The following DIAPH2 variants were observed in gnomAD, a reference collection of about 807,000 sequenced individuals.
DIAPH2 encodes the protein diaphanous related formin 2.
A neutral mutation model predicts 92.7 loss-of-function variants in DIAPH2; 35 were observed. The ratio of observed to expected loss-of-function variants is 0.38; its 90% CI spans 0.29 to 0.50. The LOEUF (loss-of-function observed/expected upper bound fraction) is 0.50, where lower values mean the gene tolerates loss of function less well. DIAPH2 is among the 20% of genes least tolerant of loss of function. DIAPH2 has a pLI of 0.94. For synonymous variants in DIAPH2, 301 were observed against 280.4 expected, an observed-to-expected ratio of 1.07 and a Z score of -0.73; for missense variants, 701 against 819.5, an observed-to-expected ratio of 0.86 and a Z score of 1.77.
chrX:97,385,691 C>A (rs1372441558), intron 25 of DIAPH2, among the ~76,000 whole-genome samples: 1 of 111,858 alleles, frequency 8.9e-6, no homozygotes, highest in Non-Finnish European at 1.9e-5. Flanking sequence ...TCCAAGTCGT[C>A]TCACTATAGA....
chrX:96,808,375 T>C (rs988225174), intron 4 of DIAPH2, among the ~76,000 whole-genome samples: 4 of 111,929 alleles, frequency 3.6e-5, no homozygotes, highest in African/African-American at 1.3e-4. Flanking sequence ...ATTAAAGTTA[T>C]AGTGACAAAA....
At chrX:97,090,157 G>A (rs1471858972) in intron 19 of DIAPH2, among the ~76,000 whole-genome samples, 1 of 111,636 alleles carries the variant, frequency 9.0e-6, no homozygotes, top group Non-Finnish European at 1.9e-5. Flanking sequence ...TGCTTCAAGG[G>A]GAAAATATTT....
intron 19 of DIAPH2, among the ~76,000 whole-genome samples, chrX:97,095,442 T>G (rs2066861896): frequency 9.3e-6 from 1 of 108,053 alleles, no homozygotes; most frequent in African/African-American, 3.3e-5. Context: ...ATCTAGATTT[T>G]TAAAAATACA....
intron 26 of DIAPH2, among the ~76,000 whole-genome samples, chrX:97,510,935 A>T (rs2070885407): frequency 9.2e-6 from 1 of 108,164 alleles, no homozygotes; most frequent in African/African-American, 3.4e-5. Context: ...GTTTGAAGTC[A>T]GGTAGCGTGA....
chrX:97,159,323 A>G (rs2067347854), intron 22 of DIAPH2, among the ~76,000 whole-genome samples: 2 of 112,427 alleles, frequency 1.8e-5, no homozygotes, highest in African/African-American at 6.5e-5. Context: ...TTCTTATGTT[A>G]TGAAATATTT....
intron 1 of DIAPH2, among the ~76,000 whole-genome samples, chrX:96,719,515 T>C (rs1018384874): frequency 4.5e-5 from 5 of 112,224 alleles, no homozygotes; most frequent in Non-Finnish European, 7.5e-5. Flanking sequence ...GAGATCTAGT[T>C]TTCTCATTAC....
chrX:97,453,583 C>G (rs1485151304), intron 26 of DIAPH2, among the ~76,000 whole-genome samples: 2 of 111,218 alleles, frequency 1.8e-5, no homozygotes, highest in Non-Finnish European at 3.8e-5. Context: ...GACCTTACCC[C>G]AAAGGAATAT....
At chrX:97,151,332 G>A (rs1025726230) in intron 22 of DIAPH2, among the ~76,000 whole-genome samples, 1 of 111,429 alleles carries the variant, frequency 9.0e-6, no homozygotes, top group Non-Finnish European at 1.9e-5. Context: ...TAGTGAGGAT[G>A]GTACTACATT....
chrX:97,100,287 T>C (rs2066897744), intron 20 of DIAPH2, among the ~76,000 whole-genome samples: 1 of 111,783 alleles, frequency 8.9e-6, no homozygotes, highest in Non-Finnish European at 1.9e-5. Flanking sequence ...GATTTAAAGC[T>C]TAAAATGTGC....
At chrX:97,337,376 C>A (rs1287062857) in intron 23 of DIAPH2, among the ~76,000 whole-genome samples, 3 of 110,899 alleles carry the variant, frequency 2.7e-5, no homozygotes, top group African/African-American at 9.8e-5. Flanking sequence ...TGGGAGGGAC[C>A]CATTGGGAAG....
At chrX:97,078,920 G>A (rs1278096580) in intron 19 of DIAPH2, among the ~76,000 whole-genome samples, 1 of 110,440 alleles carries the variant, frequency 9.1e-6, no homozygotes, top group Non-Finnish European at 1.9e-5. Flanking sequence ...TTATTTTTCT[G>A]GTATAGATAA....
At chrX:96,857,090 T>C (rs969141540) in intron 4 of DIAPH2, among the ~76,000 whole-genome samples, 15 of 110,869 alleles carry the variant, frequency 1.4e-4, no homozygotes, top group Non-Finnish European at 2.6e-4. Context: ...ATATTACTAA[T>C]GTTATGAAAG....
At chrX:97,394,077 T>G (rs189881192) in intron 25 of DIAPH2, among the ~76,000 whole-genome samples, 1 of 112,131 alleles carries the variant, frequency 8.9e-6, no homozygotes, top group African/African-American at 3.2e-5. Flanking sequence ...GTGAATAAAC[T>G]CATTTCACAT....
rs901888203 is a variant in DIAPH2 at position 97,604,535 on chromosome X, T to C, written c.*5218T>C. 3.6e-5 allele frequency: 4 copies of C among 112,245 alleles called. No individual in the cohort carries two copies. The highest frequency in any genetic ancestry group is 1.9e-5 in the Non-Finnish European group (1 of 53,218). The allele number at this position is 112,245 out of a possible 1,213,427, so 9.3% of individuals were successfully genotyped here. On this transcript the variant is annotated 3_prime_UTR_variant, in exon 27 of 27. Transcript: ENST00000324765. ...GCTATTGTCTGCACAGGCTGCTGCA[T>C]GCTCTGTTGTTAAATGGATGGACAG... is the stretch of plus-strand genomic sequence containing the variant.
At chrX:97,297,076 CTTTTTTTTTTTTTTTTTTT>C (rs57145821) in intron 23 of DIAPH2, among the ~76,000 whole-genome samples, 3 of 20,719 alleles carry the variant, frequency 1.4e-4, no homozygotes, top group African/African-American at 1.9e-4. Context: ...CAGGCCTGGC[CTTTTTTTTTTTTTTTTTTT>C]TTTTTTTTTT....
chrX:97,202,110 G>A (rs1262650439), intron 22 of DIAPH2, among the ~76,000 whole-genome samples: 2 of 111,733 alleles, frequency 1.8e-5, no homozygotes, highest in Non-Finnish European at 3.8e-5. Context: ...ACAAGCAAAT[G>A]CTGAGGCATT....
chrX:96,801,005 G>T (rs1198072550), intron 4 of DIAPH2, among the ~76,000 whole-genome samples: 1 of 112,127 alleles, frequency 8.9e-6, no homozygotes, highest in Non-Finnish European at 1.9e-5. Context: ...CTTTGGTAAA[G>T]GAATGTTTTA....
Position 96,808,356 on chromosome X carries a change from A to C in DIAPH2, c.447+50098A>C, listed in dbSNP as rs535241120. 1.3e-4 allele frequency among the ~76,000 whole-genome samples: 15 copies of C among 111,605 alleles called. No individual in the cohort carries two copies. The Middle Eastern group carries it at 0.019, about 140-fold the overall frequency. On this transcript the variant is annotated intron_variant, in intron 4 of 26. Coordinates refer to ENST00000324765, the MANE Select transcript of DIAPH2 (RefSeq NM_006729.5). ...CCCATTATATATCACTCTAAAAATTAATCATTATATTAAAGTTATAGTGAC... is the reference window on the plus strand; with the variant it reads ...CCCATTATATATCACTCTAAAAATTCATCATTATATTAAAGTTATAGTGAC...
At chrX:96,871,469 CAAAAAAAA>C (rs34852539) in intron 4 of DIAPH2, among the ~76,000 whole-genome samples, 2 of 28,816 alleles carry the variant, frequency 6.9e-5, no homozygotes, top group African/African-American at 1.4e-4. Context: ...GACTCCGTCT[CAAAAAAAA>C]AAAAAAAAAA....
Sources: gnomAD v4.1 joint callset for allele counts (sites outside exome capture counted in the v4.1 genomes callset) on GRCh38, gnomAD v4.1.1 for gene constraint, MANE v1.5 for transcripts, NCBI Gene and HGNC (gene_info 2026-07-23, HGNC 2026-07-21) for gene names.